Variants in TULP4 observed in about 807,000 individuals in gnomAD.
The protein encoded by TULP4 is TUB like protein 4.
A neutral mutation model predicts 129.0 loss-of-function variants in TULP4; 16 were observed. That is an observed-to-expected ratio of 0.12 (90% CI 0.08 to 0.19). TULP4 has a LOEUF of 0.19. Among genes scored for constraint, TULP4 ranks in the 10% least tolerant of loss-of-function variants. The probability of loss-of-function intolerance (pLI) is 1.00; values close to 1 mark genes in which losing one functional copy is unlikely to be tolerated. For synonymous variants in TULP4, 998 were observed against 854.0 expected (o/e 1.17, Z -2.94); for missense variants, 1,842 against 2,059.1 (o/e 0.89, Z 2.04).
chr6:158,332,729 A>G (rs1409865078), intron 1 of TULP4, among the ~76,000 whole-genome samples: 1 of 152,154 alleles, frequency 6.6e-6, no homozygotes, highest in African/African-American at 2.4e-5. Context: ...GGATTTTCTC[A>G]TACCTTCATG....
At chr6:158,240,850 C>T (rs367831432) in intron 1 of TULP4, among the ~76,000 whole-genome samples, 1 of 150,446 alleles carries the variant, frequency 6.6e-6, no homozygotes, top group Non-Finnish European at 1.5e-5. Flanking sequence ...GGGGGGCTGA[C>T]CCCCCACCTC....
rs200019403 is a variant in TULP4, at chr6:158,479,817, C to T, written c.1093C>T (p.Leu365=). 2.5e-6 allele frequency: 4 copies of T among 1,614,184 alleles called. No homozygotes were observed. The highest frequency in any genetic ancestry group is 1.7e-5 in the Admixed American group (1 of 60,032). ...GCTGTTGATGGCATCAGGACCAGCC[C>T]TGTACGTGGTGCGTGTGGAGCACCG... ...SRLLMASGPA[L]YVVRVEHRVS... is the part of the protein sequence containing the mutation. Residue 365 remains leucine (L), a synonymous_variant, in exon 7 of 14, where the codon CTG becomes TTG. Transcript: ENST00000367097.
intron 3 of TULP4, among the ~76,000 whole-genome samples, chr6:158,444,549 T>C (rs552324916): frequency 6.6e-6 from 1 of 152,176 alleles, no homozygotes; most frequent in East Asian, 1.9e-4. Context: ...ATTATTGAAG[T>C]TGACATTTCC....
At chr6:158,234,632 A>T (rs985285572) in intron 1 of TULP4, among the ~76,000 whole-genome samples, 5 of 152,076 alleles carry the variant, frequency 3.3e-5, no homozygotes, top group Non-Finnish European at 5.9e-5. Flanking sequence ...ACTGAGTACA[A>T]CCTCTTATGA....
rs750959157 is a variant in TULP4, at chr6:158,493,765, A to G, written c.1776+48A>G. On this transcript the variant is annotated intron_variant, in intron 10 of 13. Transcript: ENST00000367097. This position sits in a 1 kb window ranked among gnomAD's most constrained non-coding sequence, Gnocchi z 4.4. ...CCTTGCTCCCCTCCTCCTGGGGGCTATGCCCAGAGGGCCCCTTCCTACCCG... is the reference window on the plus strand; with the variant it reads ...CCTTGCTCCCCTCCTCCTGGGGGCTGTGCCCAGAGGGCCCCTTCCTACCCG... 16 of 1,486,792 alleles carry G rather than the reference A, an allele frequency of 1.1e-5. No individual in the cohort carries two copies. Among genetic ancestry groups the G allele is most frequent in the South Asian group, 5.5e-5 (4 of 72,754 alleles). The allele number at this position is 1,486,792 out of a possible 1,614,324, so 92.1% of individuals were successfully genotyped here. A position where few individuals can be genotyped will look rare whatever the true frequency, so the allele number is the denominator to read the frequency against.
chr6:158,306,332 A>G (rs1779215787), intron 1 of TULP4, among the ~76,000 whole-genome samples: 1 of 152,164 alleles, frequency 6.6e-6, no homozygotes, highest in Non-Finnish European at 1.5e-5. Flanking sequence ...AGGCAGGCAG[A>G]TCACTTGGGC....
At chr6:158,504,238 C>A (rs923691037) in intron 13 of TULP4, 60 bp downstream of exon 13, 8 of 1,349,812 alleles carry the variant, frequency 5.9e-6, no homozygotes, top group Non-Finnish European at 6.0e-6. Flanking sequence ...AGTGCTTCGG[C>A]CTTCAAGGAG....
At chr6:158,380,107 G>A (rs827983) in intron 1 of TULP4, among the ~76,000 whole-genome samples, 2 of 152,068 alleles carry the variant, frequency 1.3e-5, no homozygotes, top group East Asian at 3.9e-4. Context: ...GCCTAGGTCC[G>A]ACAAAGAGTT....
intron 1 of TULP4, among the ~76,000 whole-genome samples, chr6:158,235,635 A>G (rs950112489): frequency 3.5e-4 from 54 of 152,208 alleles, no homozygotes; most frequent in Non-Finnish European, 6.2e-4. Context: ...GGCATGAGCC[A>G]CCACGCCCAG....
chr6:158,295,442 A>T (rs1233585374), intron 1 of TULP4, among the ~76,000 whole-genome samples: 1 of 152,060 alleles, frequency 6.6e-6, no homozygotes, highest in Non-Finnish European at 1.5e-5. Context: ...AAACCTGTTT[A>T]TATCAAGTTT....
intron 3 of TULP4, among the ~76,000 whole-genome samples, chr6:158,437,494 G>A (rs532420122): frequency 5.3e-5 from 8 of 150,262 alleles, no homozygotes; most frequent in Non-Finnish European, 1.2e-4. Flanking sequence ...CTGGGAGGTC[G>A]AGGCTGCAGT....
chr6:158,358,072 GCA>G (rs1460711919), intron 1 of TULP4, among the ~76,000 whole-genome samples: 1 of 152,154 alleles, frequency 6.6e-6, no homozygotes, highest in Non-Finnish European at 1.5e-5. Context: ...TTTTAAAGCA[GCA>G]CACACATTAG....
intron 1 of TULP4, among the ~76,000 whole-genome samples, chr6:158,250,333 GT>G (rs1173489030): frequency 6.6e-6 from 1 of 151,334 alleles, no homozygotes; most frequent in East Asian, 1.9e-4. Flanking sequence ...AATTTTTGTA[GT>G]TTTAGTAGAG....
At position 158,509,994 on chromosome 6, in the gene TULP4, AT is replaced by A. The variant is rs1450899263; in HGVS notation, c.*3303del. On this transcript the variant is annotated 3_prime_UTR_variant, in exon 14 of 14. Coordinates refer to ENST00000367097, the MANE Select transcript of TULP4 (RefSeq NM_020245.5). ...TCAAGATACCTCATTGAATCCCTAAATTTAAAAGCAGTCCAGTAAAAGGTTA... is the reference window on the plus strand; with the variant it reads ...TCAAGATACCTCATTGAATCCCTAAATTAAAAGCAGTCCAGTAAAAGGTTA... 1.8e-4 allele frequency: 28 copies of A among 152,344 alleles called. No homozygotes were observed. The highest frequency in any genetic ancestry group is 6.0e-4 in the African/African-American group (25 of 41,448). 9.4% of individuals were successfully genotyped at this position (152,344 alleles called of 1,614,324 possible).
At chr6:158,486,395 T>C (rs1019559045) in intron 8 of TULP4, among the ~76,000 whole-genome samples, 11 of 151,900 alleles carry the variant, frequency 7.2e-5, no homozygotes, top group Non-Finnish European at 1.5e-4. Context: ...CTACTAAAAA[T>C]ATAAAAAATT....
chr6:158,341,185 G>A (rs778925223), intron 1 of TULP4, among the ~76,000 whole-genome samples: 2 of 152,062 alleles, frequency 1.3e-5, no homozygotes, highest in African/African-American at 4.8e-5. Context: ...AAAACCACAC[G>A]TCATTTGTCT....
At chr6:158,271,388 G>C (rs1055691940) in intron 1 of TULP4, among the ~76,000 whole-genome samples, 10 of 151,914 alleles carry the variant, frequency 6.6e-5, no homozygotes, top group African/African-American at 2.4e-4. Flanking sequence ...ACTCTCACAG[G>C]CTTTGTCTCT....
intron 2 of TULP4, among the ~76,000 whole-genome samples, chr6:158,423,163 C>T (rs1778393182): frequency 6.6e-6 from 1 of 151,768 alleles, no homozygotes; most frequent in South Asian, 2.1e-4. Flanking sequence ...ACCCCTTTTC[C>T]TCTCTATCTG....
chr6:158,264,053 ACT>A (rs1284030305), intron 1 of TULP4, among the ~76,000 whole-genome samples: 1 of 152,114 alleles, frequency 6.6e-6, no homozygotes, highest in East Asian at 1.9e-4. Flanking sequence ...ATAGAGTGAG[ACT>A]CTGTCTCAAA....
Sources: allele counts gnomAD v4.1 joint callset (sites outside exome capture counted in the v4.1 genomes callset), GRCh38; gene constraint gnomAD v4.1.1; non-coding constraint Gnocchi (gnomAD v3.1); transcripts MANE v1.5; gene names NCBI Gene and HGNC (gene_info 2026-07-23, HGNC 2026-07-21).